Variants in IREB2 observed in about 807,000 individuals in gnomAD.
IREB2 encodes the protein iron responsive element binding protein 2.
In IREB2, 39 loss-of-function variants were observed where a neutral mutation model predicts 118.8. That is an observed-to-expected ratio of 0.33 (90% confidence interval 0.25 to 0.43). The LOEUF is 0.43. IREB2 is among the 20% of genes least tolerant of loss of function. The probability of loss-of-function intolerance (pLI) is 1.00; values close to 1 mark genes in which losing one functional copy is unlikely to be tolerated. For synonymous variants in IREB2, 372 were observed against 392.2 expected (o/e 0.95, Z 0.61); for missense variants, 900 against 1,147.3 (o/e 0.78, Z 3.11).
upstream of IREB2, chr15:78,437,739 C>T (rs940414854): frequency 6.5e-6 from 1 of 152,766 alleles, no homozygotes; most frequent in African/African-American, 2.4e-5. Context: ...AAAATTCATT[C>T]ATTCAACAGT....
intron 13 of IREB2, among the ~76,000 whole-genome samples, chr15:78,486,134 G>A (rs1293077308): frequency 6.6e-6 from 1 of 152,204 alleles, no homozygotes; most frequent in Admixed American, 6.5e-5. Context: ...AACAGTTACA[G>A]TGTAAGAAAC....
intron 10 of IREB2, 92 bp from the exon 11 acceptor site, chr15:78,483,226 A>G: frequency 1.6e-6 from 1 of 632,232 alleles, no homozygotes; most frequent in Non-Finnish European, 2.9e-6. Flanking sequence ...ATACGAATAT[A>G]CTTACTCTGC....
At chr15:78,477,459 G>A (rs1375566775) in intron 9 of IREB2, among the ~76,000 whole-genome samples, 1 of 152,218 alleles carries the variant, frequency 6.6e-6, no homozygotes, top group African/African-American at 2.4e-5. Flanking sequence ...ACTTAGGTAA[G>A]TCTATCAGGC....
intron 6 of IREB2, among the ~76,000 whole-genome samples, chr15:78,471,491 G>A (rs1388941480): frequency 6.6e-6 from 1 of 152,140 alleles, no homozygotes; most frequent in Non-Finnish European, 1.5e-5. Context: ...AGAATCTTTG[G>A]AACGCAGTTG....
chr15:78,464,038 T>C (rs779326209), intron 3 of IREB2, among the ~76,000 whole-genome samples: 9 of 152,262 alleles, frequency 5.9e-5, no homozygotes, highest in Non-Finnish European at 1.0e-4. Context: ...CTTTTAAATA[T>C]ATCTTGTGTC....
chr15:78,490,465 T>C lies in IREB2; in HGVS notation c.2120T>C (p.Val707Ala). The change falls in exon 17 of 22, where the codon GTT (valine) becomes GCT (alanine). Residue 707 changes from valine (V) to alanine (A), a missense_variant. Transcript: ENST00000258886. The stretch of plus-strand genomic sequence containing the variant: ...AATTCCTTAGAAGCACCGGATTCAG[T>C]TTTGTTTCCATGGGACTTAAAGTCT... Reference protein sequence around the residue: ...RWNSLEAPDSVLFPWDLKSTY... With the variant: ...RWNSLEAPDSALFPWDLKSTY... 1 of 1,608,830 alleles carries C rather than the reference T, an allele frequency of 6.2e-7. No homozygotes were observed. The highest frequency in any genetic ancestry group is 1.3e-5 in the African/African-American group (1 of 74,584).
intron 2 of IREB2, among the ~76,000 whole-genome samples, chr15:78,441,307 CGTTT>C (rs2050840758): frequency 6.6e-6 from 1 of 152,134 alleles, no homozygotes; most frequent in East Asian, 1.9e-4. Context: ...TGTGTTGATA[CGTTT>C]GTTAAAGGAA....
intron 21 of IREB2, 99 bp downstream of exon 21, chr15:78,497,410 A>G (rs2051855562): frequency 2.3e-6 from 2 of 858,824 alleles, no homozygotes; most frequent in Non-Finnish European, 3.7e-6. Context: ...ATGTCACTTA[A>G]TGAATGTTAA....
chr15:78,465,028 T>C lies in IREB2; in HGVS notation c.273-223T>C, dbSNP rs79197036. On this transcript the variant is annotated intron_variant, in intron 3 of 21. Coordinates refer to ENST00000258886, the MANE Select transcript of IREB2 (RefSeq NM_004136.4). The stretch of plus-strand genomic sequence containing the variant: ...TCGCTTATGCCTCAAAAATTATCTC[T>C]TATTATTTTTGGCATATTTGCCCAA... 2.3e-3 allele frequency among the ~76,000 whole-genome samples: 354 copies of C among 152,330 alleles called. 3 individuals are homozygous for C. The highest frequency in any genetic ancestry group is 8.3e-3 in the African/African-American group (346 of 41,578).
Position 78,466,282 on chromosome 15 carries a change from A to G in IREB2, c.422A>G (p.Asn141Ser). 6.2e-7 allele frequency: 1 copy of G among 1,611,578 alleles called. No homozygotes were observed. Among genetic ancestry groups the G allele is most frequent in the Non-Finnish European group, 8.5e-7 (1 of 1,177,880 alleles). ...TTTTGGAATGACAGTGCAATACAGA[A>G]TGCACCAAATCCTGGAGGTGGTGAC... Reference protein sequence around the residue: ...QIDFSKCAIQNAPNPGGGDLQ... With the variant: ...QIDFSKCAIQSAPNPGGGDLQ... The change falls in exon 5 of 22, where the codon AAT (asparagine) becomes AGT (serine). Residue 141 changes from asparagine (N) to serine (S), a missense_variant. Physicochemically the swap from Asn to Ser is conservative, Grantham distance 46. Coordinates refer to ENST00000258886, the MANE Select transcript of IREB2 (RefSeq NM_004136.4).
At position 78,463,088 on chromosome 15, in the gene IREB2, G is replaced by A; in HGVS notation, c.272+1G>A. 1.3e-6 allele frequency: 2 copies of A among 1,592,960 alleles called. No individual in the cohort carries two copies. The highest frequency in any genetic ancestry group is 1.7e-6 in the Non-Finnish European group (2 of 1,171,988). Reference sequence around the variant, plus strand: ...CCCGTGTTCTTCTTCAAGATTTTACGTGAGTAATGGGTTTATTTTTTGTGA... The same window carrying A: ...CCCGTGTTCTTCTTCAAGATTTTACATGAGTAATGGGTTTATTTTTTGTGA... On this transcript the variant is annotated splice_donor_variant, in intron 3 of 21. Transcript: ENST00000258886. LOFTEE classifies it high-confidence loss of function.
At chr15:78,438,473 C>T (rs1476955221) in intron 1 of IREB2, 117 bp downstream of exon 1, 8 of 1,200,734 alleles carry the variant, frequency 6.7e-6, no homozygotes, top group Non-Finnish European at 4.8e-6. Context: ...CCTCGGGGCT[C>T]GGGTTGTGCT....
chr15:78,499,518 T>C lies in IREB2; in HGVS notation c.*1375T>C, dbSNP rs1471836068. The C allele has an allele frequency of 6.6e-6, 1 of 152,194 alleles. No individual in the cohort carries two copies. Among genetic ancestry groups the C allele is most frequent in the Non-Finnish European group, 1.5e-5 (1 of 68,028 alleles). The allele number at this position is 152,194 out of a possible 1,614,324, so 9.4% of individuals were successfully genotyped here. Reference sequence around the variant, plus strand: ...GAATTACTTGTTGTAAGCAAAATGCTGAAACTACCAAACCAGTGGATGAAG... The same window carrying C: ...GAATTACTTGTTGTAAGCAAAATGCCGAAACTACCAAACCAGTGGATGAAG... On this transcript the variant is annotated 3_prime_UTR_variant, in exon 22 of 22. Coordinates refer to ENST00000258886, the MANE Select transcript of IREB2 (RefSeq NM_004136.4).
Position 78,484,878 on chromosome 15 carries a change from A to G in IREB2, c.1531A>G (p.Ser511Gly), listed in dbSNP as rs755844376. 2 of 1,613,960 alleles carry G rather than the reference A, an allele frequency of 1.2e-6. No homozygotes were observed. The highest frequency in any genetic ancestry group is 1.7e-6 in the Non-Finnish European group (2 of 1,179,862). ...ATCAGTGGTCATTGCTGCAGTTATC[A>G]GTTGTACCAATAATTGCAATCCATC... is the stretch of plus-strand genomic sequence containing the variant. Reference protein sequence around the residue: ...HGSVVIAAVISCTNNCNPSVM... With the variant: ...HGSVVIAAVIGCTNNCNPSVM... Residue 511 changes from serine to glycine, a missense_variant, in exon 12 of 22, where the codon AGT becomes GGT. Transcript: ENST00000258886.
Position 78,484,766 on chromosome 15 carries a change from A to G in IREB2, c.1419A>G (p.Gly473=). The change falls in exon 12 of 22, where the codon GGA becomes GGG. Residue 473 remains glycine, a synonymous_variant. Coordinates refer to ENST00000258886, the MANE Select transcript of IREB2 (RefSeq NM_004136.4). ...DFQACLNEKV[G]FKGFQIAAEK... Reference sequence around the variant, plus strand: ...TTTTGTGGAAATTTGTATAGGTTGGATTTAAAGGCTTCCAAATTGCAGCTG... The same window carrying G: ...TTTTGTGGAAATTTGTATAGGTTGGGTTTAAAGGCTTCCAAATTGCAGCTG... 6.2e-7 allele frequency: 1 copy of G among 1,612,168 alleles called. No homozygotes were observed. The highest frequency in any genetic ancestry group is 1.1e-5 in the South Asian group (1 of 90,998).
At chr15:78,454,924 A>G (rs1321570838) in intron 2 of IREB2, among the ~76,000 whole-genome samples, 1 of 152,150 alleles carries the variant, frequency 6.6e-6, no homozygotes, top group East Asian at 1.9e-4. Flanking sequence ...TCCTAGGGTC[A>G]AGTGATCCTC....
intron 2 of IREB2, among the ~76,000 whole-genome samples, chr15:78,460,045 G>A (rs754459508): frequency 2.0e-5 from 3 of 152,192 alleles, no homozygotes; most frequent in Non-Finnish European, 4.4e-5. Context: ...GTTGGAACAT[G>A]TAGTTTTTTG....
chr15:78,448,550 AT>A (rs975884986), intron 2 of IREB2, among the ~76,000 whole-genome samples: 2 of 152,218 alleles, frequency 1.3e-5, no homozygotes, highest in African/African-American at 4.8e-5. Flanking sequence ...TTTATTGGAA[AT>A]CAGCCCTATC....
chr15:78,447,352 A>G (rs1595984925), intron 2 of IREB2, among the ~76,000 whole-genome samples: 1 of 144,450 alleles, frequency 6.9e-6, no homozygotes, highest in African/African-American at 2.5e-5. Context: ...TTTTTTTGAG[A>G]CGGACTCTTG....
Sources: gnomAD v4.1 joint callset for allele counts (sites outside exome capture counted in the v4.1 genomes callset) on GRCh38, gnomAD v4.1.1 for gene constraint, MANE v1.5 for transcripts, NCBI Gene and HGNC (gene_info 2026-07-23, HGNC 2026-07-21) for gene names.